Variants in FBN2 observed in about 807,000 individuals in gnomAD.
FBN2 encodes fibrillin 2.
In FBN2, 105 loss-of-function variants were observed where a neutral mutation model predicts 355.6. The observed-to-expected ratio is 0.30, with a 90% CI of 0.25 to 0.35. The LOEUF (loss-of-function observed/expected upper bound fraction) is 0.35. Among genes scored for constraint, FBN2 ranks in the 10% least tolerant of loss-of-function variants. The probability of loss-of-function intolerance (pLI) is 1.00; values close to 1 mark genes in which losing one functional copy is unlikely to be tolerated. For synonymous variants in FBN2, 1,350 were observed against 1,301.2 expected (o/e 1.04, Z -0.81); for missense variants, 3,280 against 3,758.7 (o/e 0.87, Z 3.33).
intron 58 of FBN2, 26 bp downstream of exon 58, chr5:128,277,854 C>T (rs1216502402): frequency 6.8e-6 from 11 of 1,613,878 alleles, no homozygotes; most frequent in African/African-American, 1.3e-5. Context: ...CCCCAAACCC[C>T]TGGATATAGA....
At chr5:128,485,869 A>C (rs1284505862) in intron 5 of FBN2, among the ~76,000 whole-genome samples, 1 of 152,158 alleles carries the variant, frequency 6.6e-6, no homozygotes, top group Non-Finnish European at 1.5e-5. Flanking sequence ...AGTGGCCTTT[A>C]TTATATTCCA....
At chr5:128,317,711 C>T (rs942040997) in intron 36 of FBN2, among the ~76,000 whole-genome samples, 1 of 152,222 alleles carries the variant, frequency 6.6e-6, no homozygotes, top group Non-Finnish European at 1.5e-5. Context: ...CACCTTCCAA[C>T]TTCTTCTGCT....
chr5:128,313,614 A>G lies in FBN2; in HGVS notation c.4718-819T>C, dbSNP rs79581831. On this transcript the variant is annotated intron_variant, in intron 36 of 64. Transcript: ENST00000262464. ...TGATTCCTTATTCAATCCAGTAATA[A>G]GGGCTGTCTACTCAACCTTCAAAAC... Among the ~76,000 whole-genome samples, 25 of 152,140 alleles carry G rather than the reference A, an allele frequency of 1.6e-4. No individual in the cohort carries two copies. In the East Asian group the frequency reaches 4.8e-3, roughly 29 times the overall value.
intron 18 of FBN2, among the ~76,000 whole-genome samples, chr5:128,362,281 T>C (rs1169983044): frequency 6.6e-6 from 1 of 152,226 alleles, no homozygotes; most frequent in East Asian, 1.9e-4. Flanking sequence ...TGTCTTCATG[T>C]CCCAGATGGT....
At position 128,392,031 on chromosome 5, in the gene FBN2, A is replaced by G; in HGVS notation, c.1590T>C (p.Asn530=). 1 of 1,613,666 alleles carries G rather than the reference A, an allele frequency of 6.2e-7. No homozygotes were observed. The highest frequency in any genetic ancestry group is 8.5e-7 in the Non-Finnish European group (1 of 1,179,680). The part of the protein sequence containing the change: ...ECNMGYKQDA[N]GDCIDVDECT... ...TCACAAACTTACCTATACAATCTCC[A>G]TTTGCATCCTGCTTATAACCCATGT... Residue 530 remains asparagine (N), a synonymous_variant, in exon 11 of 65, where the codon AAT becomes AAC. Coordinates refer to ENST00000262464, the MANE Select transcript of FBN2 (RefSeq NM_001999.4).
chr5:128,411,109 C>T (rs189228044), intron 7 of FBN2, among the ~76,000 whole-genome samples: 3 of 152,210 alleles, frequency 2.0e-5, no homozygotes, highest in Admixed American at 2.0e-4. Flanking sequence ...TGCTCAAACC[C>T]TTTGCTGGAG....
chr5:128,351,414 G>A (rs1751362345), intron 20 of FBN2, among the ~76,000 whole-genome samples: 1 of 152,016 alleles, frequency 6.6e-6, no homozygotes, highest in African/African-American at 2.4e-5. Flanking sequence ...AGGCTTGGTG[G>A]CAGGTGTCTG....
chr5:128,420,495 T>C (rs543863107), intron 7 of FBN2, among the ~76,000 whole-genome samples: 7 of 152,308 alleles, frequency 4.6e-5, no homozygotes, highest in African/African-American at 1.4e-4. Context: ...ATTATCATTG[T>C]TTTACCTTCA....
In FBN2 at chr5:128,334,692, T is replaced by C. The variant is rs1750788538; in HGVS notation, c.4099+27A>G. The C allele has an allele frequency of 3.1e-6, 5 of 1,613,618 alleles. No individual in the cohort carries two copies. In the South Asian group the frequency reaches 5.5e-5, roughly 18 times the overall value. On this transcript the variant is annotated intron_variant, in intron 31 of 64. Coordinates refer to ENST00000262464, the MANE Select transcript of FBN2 (RefSeq NM_001999.4). Reference sequence around the variant, plus strand: ...GCCTTTGACATCTGAGAAGTTGAAATACAGAGAACACAAGCTTGAAACCTA... The same window carrying C: ...GCCTTTGACATCTGAGAAGTTGAAACACAGAGAACACAAGCTTGAAACCTA...
chr5:128,489,543 A>C (rs568791601), intron 5 of FBN2, among the ~76,000 whole-genome samples: 13 of 152,276 alleles, frequency 8.5e-5, no homozygotes, highest in Admixed American at 2.6e-4. Flanking sequence ...TGTGTTTGTA[A>C]GTATGTCACG....
Position 128,467,033 on chromosome 5 carries a change from C to T in FBN2, c.629-2112G>A, listed in dbSNP as rs552404088. The stretch of plus-strand genomic sequence containing the variant: ...TTGTTTTTAGGTCAATGTGTGAATA[C>T]CCATGTTCACATTCTATGCACTTTT... On this transcript the variant is annotated intron_variant, in intron 5 of 64. Coordinates refer to ENST00000262464, the MANE Select transcript of FBN2 (RefSeq NM_001999.4). Among the ~76,000 whole-genome samples, 7 of 152,176 alleles carry T rather than the reference C, an allele frequency of 4.6e-5. No individual in the cohort carries two copies. In the East Asian group the frequency reaches 1.4e-3, roughly 29 times the overall value.
rs145588052 is a variant in FBN2 at position 128,301,445 on chromosome 5, C to T, written c.5983G>A (p.Gly1995Ser). 27 of 1,613,050 alleles carry T rather than the reference C, an allele frequency of 1.7e-5. No homozygotes were observed. In the African/African-American group the frequency reaches 3.5e-4, roughly 21 times the overall value. Reference sequence around the variant, plus strand: ...TCGTTACATAGACACTTGAAAGAACCAATTTCATTAAAACAACGTCCATTT... The same window carrying T: ...TCGTTACATAGACACTTGAAAGAACTAATTTCATTAAAACAACGTCCATTT... ...CRNGRCFNEIGSFKCLCNEGY... is the reference protein window; with the variant it reads ...CRNGRCFNEISSFKCLCNEGY... The change falls in exon 47 of 65, where the codon GGT becomes AGT. Residue 1995 changes from glycine to serine, a missense_variant. Physicochemically the swap from Gly to Ser is moderately conservative, Grantham distance 56. Transcript: ENST00000262464.
intron 2 of FBN2, among the ~76,000 whole-genome samples, chr5:128,534,415 T>A (rs1419311019): frequency 1.3e-5 from 2 of 152,218 alleles, no homozygotes; most frequent in Non-Finnish European, 2.9e-5. Context: ...ATGAGACTCA[T>A]GCAATAGAAT....
intron 5 of FBN2, among the ~76,000 whole-genome samples, chr5:128,518,309 G>C (rs1388438824): frequency 6.6e-6 from 1 of 152,158 alleles, no homozygotes; most frequent in African/African-American, 2.4e-5. Context: ...TATAGGTCAT[G>C]AGTTTAACTG....
chr5:128,459,484 G>A (rs1437067035), intron 6 of FBN2, among the ~76,000 whole-genome samples: 8 of 148,042 alleles, frequency 5.4e-5, no homozygotes, highest in Non-Finnish European at 8.9e-5. Flanking sequence ...TCAAAACCTG[G>A]CAGAGACACA....
intron 5 of FBN2, among the ~76,000 whole-genome samples, chr5:128,512,283 G>A (rs145872540): frequency 0.026 from 3,945 of 152,016 alleles, 185 homozygotes; most frequent in African/African-American, 0.09. Context: ...AGGCCGAGGC[G>A]GGTGGATCAC....
intron 56 of FBN2, among the ~76,000 whole-genome samples, chr5:128,279,250 T>A (rs572043017): frequency 1.8e-4 from 28 of 152,182 alleles, no homozygotes; most frequent in Non-Finnish European, 3.7e-4. Context: ...CAATCTGATA[T>A]CTCATATTTT....
intron 15 of FBN2, among the ~76,000 whole-genome samples, chr5:128,373,363 A>C (rs750249314): frequency 3.3e-5 from 5 of 152,172 alleles, no homozygotes; most frequent in Non-Finnish European, 7.3e-5. Flanking sequence ...CTGTATTTGA[A>C]ATATCCCTGA....
chr5:128,309,809 T>C (rs1449649734), intron 40 of FBN2, among the ~76,000 whole-genome samples, 174 bp downstream of exon 40: 1 of 152,214 alleles, frequency 6.6e-6, no homozygotes, highest in Non-Finnish European at 1.5e-5. Context: ...AAAATTTAAA[T>C]GTATACCCAA....
Sources: gnomAD v4.1 joint callset for allele counts (sites outside exome capture counted in the v4.1 genomes callset) on GRCh38, gnomAD v4.1.1 for gene constraint, MANE v1.5 for transcripts, NCBI Gene and HGNC (gene_info 2026-07-23, HGNC 2026-07-21) for gene names.